Variants in SEC61B observed in about 807,000 individuals in gnomAD.
The protein encoded by SEC61B is protein transport protein Sec61 subunit beta.
SEC61B carries 7 observed loss-of-function variants against 12.6 expected under a neutral mutation model. The observed-to-expected ratio is 0.55, with a 90% CI of 0.32 to 1.04. SEC61B has a LOEUF of 1.04. Ranked by LOEUF, SEC61B falls within the 50% of genes least tolerant of loss-of-function variation. The pLI, the probability that SEC61B is intolerant of heterozygous loss-of-function variation, is 0.05. For missense variants in SEC61B, 107 were observed against 130.1 expected (o/e 0.82, Z 0.86); for synonymous variants, 54 against 50.1 (o/e 1.08, Z -0.33).
chr9:99,224,058 G>C (rs1039818413), intron 2 of SEC61B, among the ~76,000 whole-genome samples: 1 of 152,136 alleles, frequency 6.6e-6, no homozygotes, highest in African/African-American at 2.4e-5. Flanking sequence ...AGTTGTTTTG[G>C]GATTTTTGAA....
chr9:99,227,744 T>G (rs1410636210), intron 2 of SEC61B, among the ~76,000 whole-genome samples, 155 bp from the exon 3 acceptor site: 3 of 152,162 alleles, frequency 2.0e-5, no homozygotes, highest in African/African-American at 7.2e-5. Flanking sequence ...GTGGTTATCA[T>G]GATCAAAGGA....
rs1344149542 is a variant in SEC61B, at chr9:99,222,635, C to G, written c.93C>G (p.Val31=). 1 of 1,544,524 alleles carries G rather than the reference C, an allele frequency of 6.5e-7. No homozygotes were observed. ...AVAARAAGST[V]RQRKNASCGT... ...CCGCCCGGGCGGCGGGATCCACTGT[C>G]CGGCAGAGGTAAGGAACCCTGCAGT... Residue 31 remains valine, a synonymous_variant, in exon 2 of 4, where the codon GTC becomes GTG. Transcript: ENST00000223641.
intron 3 of SEC61B, 89 bp downstream of exon 3, chr9:99,228,089 C>T: frequency 3.0e-6 from 3 of 1,014,344 alleles, no homozygotes; most frequent in Non-Finnish European, 4.5e-6. Flanking sequence ...GTAGCGTTTG[C>T]CTTGATGCGA....
chr9:99,228,475 G>T (rs1004716542), intron 3 of SEC61B, among the ~76,000 whole-genome samples: 3 of 152,182 alleles, frequency 2.0e-5, no homozygotes, highest in African/African-American at 7.2e-5. Flanking sequence ...GCCTTTGGTG[G>T]GTGGTGAGTA....
rs763506939 is a variant in SEC61B, at chr9:99,230,404, G to C, written c.271G>C (p.Gly91Arg). 6.2e-7 allele frequency: 1 copy of C among 1,608,966 alleles called. No homozygotes were observed. Among genetic ancestry groups the C allele is most frequent in the Non-Finnish European group, 8.5e-7 (1 of 1,177,244 alleles). Residue 91 changes from glycine to arginine, a missense_variant, in exon 4 of 4, where the codon GGC becomes CGC. Physicochemically the swap from Gly to Arg is moderately radical, Grantham distance 125 (BLOSUM62 -2). Coordinates refer to ENST00000223641, the MANE Select transcript of SEC61B (RefSeq NM_006808.3). ...IASVFMLHIW[G>R]KYTRS ...TTCTGTATTTATGTTGCACATTTGG[G>C]GCAAGTACACTCGTTCGTAGATTCA... is the stretch of plus-strand genomic sequence containing the variant.
In SEC61B at chr9:99,222,338, A is replaced by G; in HGVS notation, c.-26A>G. ...CCGTAACTTTCTATCCGTCCGCGTCAGCGCCTTGCCACCCTCATCTCCAAT... is the reference window on the plus strand; with the variant it reads ...CCGTAACTTTCTATCCGTCCGCGTCGGCGCCTTGCCACCCTCATCTCCAAT... On this transcript the variant is annotated 5_prime_UTR_variant, in exon 1 of 4. Coordinates refer to ENST00000223641, the MANE Select transcript of SEC61B (RefSeq NM_006808.3). 1.2e-6 allele frequency: 2 copies of G among 1,614,112 alleles called. No homozygotes were observed. The highest frequency in any genetic ancestry group is 1.6e-4 in the Middle Eastern group (1 of 6,062).
At chr9:99,228,322 C>T (rs970304378) in intron 3 of SEC61B, among the ~76,000 whole-genome samples, 1 of 152,216 alleles carries the variant, frequency 6.6e-6, no homozygotes, top group African/African-American at 2.4e-5. Flanking sequence ...GTGATCTTGC[C>T]CCGTACCAAG....
chr9:99,228,739 T>C (rs1411335783), intron 3 of SEC61B, among the ~76,000 whole-genome samples: 1 of 152,250 alleles, frequency 6.6e-6, no homozygotes, highest in African/African-American at 2.4e-5. Context: ...CATAGCACTT[T>C]GTACTTTGCA....
At chr9:99,222,765 G>A (rs1588621613) in intron 2 of SEC61B, 122 bp downstream of exon 2, 1 of 706,418 alleles carries the variant, frequency 1.4e-6, no homozygotes, top group Admixed American at 3.3e-5. Flanking sequence ...TTCTAGTGAC[G>A]TGGCCGTGGG....
chr9:99,225,753 G>A (rs1353706353), intron 2 of SEC61B, among the ~76,000 whole-genome samples: 2 of 152,078 alleles, frequency 1.3e-5, no homozygotes, highest in African/African-American at 2.4e-5. Flanking sequence ...TGTTCCATGC[G>A]CCAGCAGAAA....
chr9:99,228,066 G>A (rs1828919498), intron 3 of SEC61B, 66 bp downstream of exon 3: 1 of 1,228,934 alleles, frequency 8.1e-7, no homozygotes, highest in Non-Finnish European at 1.2e-6. Flanking sequence ...GCAGCACTCT[G>A]TCTCTGTCAC....
chr9:99,228,037 T>G (rs771275204), intron 3 of SEC61B, 37 bp downstream of exon 3: 2 of 1,523,820 alleles, frequency 1.3e-6, no homozygotes, highest in East Asian at 4.5e-5. Context: ...TTCTGTCCAG[T>G]GGCAGCAGAG....
chr9:99,226,616 T>C (rs1223763686), intron 2 of SEC61B, among the ~76,000 whole-genome samples: 1 of 152,192 alleles, frequency 6.6e-6, no homozygotes, highest in Non-Finnish European at 1.5e-5. Flanking sequence ...AGAAAATTGC[T>C]TGTGACTTCT....
At chr9:99,224,064 T>C (rs570981496) in intron 2 of SEC61B, among the ~76,000 whole-genome samples, 1 of 152,348 alleles carries the variant, frequency 6.6e-6, no homozygotes, top group South Asian at 2.1e-4. Context: ...TTTGGGATTT[T>C]TGAAGGAACT....
At chr9:99,222,718 A>G in intron 2 of SEC61B, 75 bp downstream of exon 2, 3 of 1,056,720 alleles carry the variant, frequency 2.8e-6, no homozygotes, top group South Asian at 1.7e-5. Flanking sequence ...TGGGGTGGAG[A>G]CCCTAGCATG....
chr9:99,226,027 A>G (rs1175057564), intron 2 of SEC61B, among the ~76,000 whole-genome samples: 2 of 152,234 alleles, frequency 1.3e-5, no homozygotes, highest in African/African-American at 2.4e-5. Flanking sequence ...AACCTTTTCT[A>G]AGGGCATGAA....
At chr9:99,222,764 C>A in intron 2 of SEC61B, 121 bp downstream of exon 2, 1 of 712,316 alleles carries the variant, frequency 1.4e-6, no homozygotes, top group Non-Finnish European at 2.2e-6. Flanking sequence ...CTTCTAGTGA[C>A]GTGGCCGTGG....
chr9:99,223,296 C>G (rs1828855673), intron 2 of SEC61B: 1 of 149,990 alleles, frequency 6.7e-6, no homozygotes, highest in Admixed American at 6.7e-5. Flanking sequence ...TGCGTAGTTT[C>G]TGTTACTTGT....
At chr9:99,223,916 C>T (rs2119015627) in intron 2 of SEC61B, among the ~76,000 whole-genome samples, 1 of 152,288 alleles carries the variant, frequency 6.6e-6, no homozygotes, top group African/African-American at 2.4e-5. Context: ...CATTATAAGA[C>T]CAGTGATGTT....
Sources: allele counts gnomAD v4.1 joint callset (sites outside exome capture counted in the v4.1 genomes callset), GRCh38; gene constraint gnomAD v4.1.1; transcripts MANE v1.5; gene names NCBI Gene and HGNC (gene_info 2026-07-23, HGNC 2026-07-21).